XKR6: variants seen among roughly 807,000 people sequenced by gnomAD.
XKR6 encodes XK-related protein 6.
Under a neutral mutation model 56.7 loss-of-function variants are expected in XKR6, and 22 were observed. The observed-to-expected ratio is 0.39, with a 90% confidence interval of 0.28 to 0.55. The LOEUF is 0.55. Ranked by LOEUF, XKR6 falls within the 20% of genes least tolerant of loss-of-function variation. The probability of loss-of-function intolerance (pLI) is 0.66; values close to 1 mark genes in which losing one functional copy is unlikely to be tolerated. For synonymous variants in XKR6, 524 were observed against 387.8 expected (o/e 1.35, Z -4.13); for missense variants, 852 against 889.0 (o/e 0.96, Z 0.53).
chr8:10,945,375 C>A (rs1326385030), intron 1 of XKR6, among the ~76,000 whole-genome samples: 3 of 152,096 alleles, frequency 2.0e-5, no homozygotes, highest in African/African-American at 4.8e-5. Flanking sequence ...TCCCAGCTAA[C>A]TGGGTGGTTG....
At chr8:10,910,869 A>G (rs982355880) in intron 2 of XKR6, among the ~76,000 whole-genome samples, 7 of 152,228 alleles carry the variant, frequency 4.6e-5, no homozygotes, top group African/African-American at 1.7e-4. Context: ...GCATGGCACA[A>G]GGCTCAAGGG....
intron 1 of XKR6, among the ~76,000 whole-genome samples, chr8:10,987,661 C>G (rs1180983838): frequency 6.6e-6 from 1 of 152,214 alleles, no homozygotes; most frequent in Non-Finnish European, 1.5e-5. Context: ...CATACCCTGT[C>G]TCTTCTCTGC....
intron 1 of XKR6, among the ~76,000 whole-genome samples, chr8:10,984,708 C>G (rs1797814603): frequency 1.2e-5 from 1 of 82,928 alleles, no homozygotes; most frequent in East Asian, 2.1e-4. Context: ...CTCTCTCTCT[C>G]TCTCTCTCTC....
chr8:11,176,129 T>C (rs1383080935), intron 1 of XKR6, among the ~76,000 whole-genome samples: 1 of 152,242 alleles, frequency 6.6e-6, no homozygotes, highest in Non-Finnish European at 1.5e-5. Context: ...ATCACTGACC[T>C]GTGCTTAGCA....
chr8:11,154,543 C>T (rs145897769), intron 1 of XKR6, among the ~76,000 whole-genome samples: 220 of 152,306 alleles, frequency 1.4e-3, no homozygotes, highest in African/African-American at 5.1e-3. Flanking sequence ...TCTATGAGTC[C>T]TTCCAGCAAA....
chr8:11,010,417 A>G (rs1236742969), intron 1 of XKR6, among the ~76,000 whole-genome samples: 2 of 152,340 alleles, frequency 1.3e-5, no homozygotes, highest in African/African-American at 4.8e-5. Context: ...GACTTTGGGC[A>G]AATGACTTCC....
At chr8:11,122,057 G>C (rs1170136386) in intron 1 of XKR6, among the ~76,000 whole-genome samples, 1 of 152,212 alleles carries the variant, frequency 6.6e-6, no homozygotes, top group East Asian at 1.9e-4. Flanking sequence ...CACACAGTGT[G>C]CCATAAAGTG....
chr8:10,969,533 G>A (rs1002231110), intron 1 of XKR6, among the ~76,000 whole-genome samples: 2 of 152,208 alleles, frequency 1.3e-5, no homozygotes, highest in Non-Finnish European at 2.9e-5. Context: ...AGGCATCCCT[G>A]GCCAGAACAC....
intron 1 of XKR6, among the ~76,000 whole-genome samples, chr8:11,079,766 C>T (rs1208026789): frequency 6.6e-6 from 1 of 152,092 alleles, no homozygotes; most frequent in African/African-American, 2.4e-5. Context: ...TTGAGACCAG[C>T]CTGGGCAATA....
At chr8:11,114,763 G>GTGTC (rs1218383901) in intron 1 of XKR6, among the ~76,000 whole-genome samples, 1 of 139,262 alleles carries the variant, frequency 7.2e-6, no homozygotes, top group African/African-American at 2.8e-5. Flanking sequence ...GTGTGTGTGT[G>GTGTC]TGTGTGTGTG....
intron 1 of XKR6, among the ~76,000 whole-genome samples, chr8:11,054,523 A>C (rs891259005): frequency 5.9e-5 from 9 of 152,234 alleles, no homozygotes; most frequent in African/African-American, 2.2e-4. Context: ...CTGCAGTAGC[A>C]GTGAAGAGCT....
At chr8:11,188,686 A>G (rs1803398290) in intron 1 of XKR6, among the ~76,000 whole-genome samples, 1 of 152,178 alleles carries the variant, frequency 6.6e-6, no homozygotes, top group Admixed American at 6.5e-5. Context: ...ACTACTCAAA[A>G]GCTGTCTTCC....
In XKR6 at chr8:11,201,253, C is replaced by T. The variant is rs756074988; in HGVS notation, c.87G>A (p.Glu29=). The T allele has an allele frequency of 8.9e-5, 140 of 1,568,356 alleles. No individual in the cohort carries two copies. The highest frequency in any genetic ancestry group is 1.2e-4 in the Non-Finnish European group (136 of 1,167,704). The part of the protein sequence containing the change: ...NLDEAVGSGG[E]EDGEPGGGGC... ...CGCCTCCCCCGGGCTCCCCGTCCTC[C>T]TCGCCGCCGCTGCCCACCGCCTCGT... Residue 29 remains glutamate (E), a synonymous_variant, in exon 1 of 3, where the codon GAG becomes GAA. Transcript: ENST00000416569.
intron 1 of XKR6, among the ~76,000 whole-genome samples, chr8:11,145,325 C>T (rs1294550695): frequency 6.6e-6 from 1 of 152,086 alleles, no homozygotes; most frequent in African/African-American, 2.4e-5. Context: ...TCAGTCTGCA[C>T]CAGAAACGTC....
At chr8:11,038,532 TG>T (rs1312936002) in intron 1 of XKR6, among the ~76,000 whole-genome samples, 3 of 150,416 alleles carry the variant, frequency 2.0e-5, no homozygotes, top group Non-Finnish European at 4.4e-5. Context: ...TGTGTGTGTG[TG>T]TGTGTGTGTG....
chr8:11,014,865 A>C (rs1187930293), intron 1 of XKR6, among the ~76,000 whole-genome samples: 1 of 152,180 alleles, frequency 6.6e-6, no homozygotes, highest in South Asian at 2.1e-4. Flanking sequence ...ACATGAATCC[A>C]AGACAAGATG....
rs762436563 is a variant in XKR6, at chr8:11,201,209, T to TCGCCGC, written c.125_130dup (p.Gly42_Gly43dup). 4.0e-5 allele frequency: 61 copies of TCGCCGC among 1,531,380 alleles called. No homozygotes were observed. Among genetic ancestry groups the TCGCCGC allele is most frequent in the Admixed American group, 3.5e-4 (18 of 51,064 alleles). 94.9% of individuals were successfully genotyped at this position (1,531,380 alleles called of 1,614,324 possible). On this transcript the variant is annotated inframe_insertion, in exon 1 of 3. Coordinates refer to ENST00000416569, the MANE Select transcript of XKR6 (RefSeq NM_173683.4). Reference sequence around the variant, plus strand: ...GCTGCTCTCGCCGGGCTCGCTGCCGTCGCCGCCGCCGCCGCAGCCGCCTCC... The same window carrying TCGCCGC: ...GCTGCTCTCGCCGGGCTCGCTGCCGTCGCCGCCGCCGCCGCCGCCGCAGCCGCCTCC...
chr8:10,984,963 G>A (rs937189109), intron 1 of XKR6, among the ~76,000 whole-genome samples: 19 of 150,894 alleles, frequency 1.3e-4, no homozygotes, highest in Middle Eastern at 3.4e-3. Flanking sequence ...TTTTTGAAAC[G>A]GGGTCCTGCT....
At chr8:11,013,551 GC>G (rs1206631593) in intron 1 of XKR6, among the ~76,000 whole-genome samples, 2 of 152,298 alleles carry the variant, frequency 1.3e-5, no homozygotes, top group African/African-American at 4.8e-5. Flanking sequence ...GCAATTTGTT[GC>G]CACAAATTCA....
Sources: gnomAD v4.1 joint callset for allele counts (sites outside exome capture counted in the v4.1 genomes callset) on GRCh38, gnomAD v4.1.1 for gene constraint, MANE v1.5 for transcripts, NCBI Gene and HGNC (gene_info 2026-07-23, HGNC 2026-07-21) for gene names.